Variants in PABPC4L observed in about 807,000 individuals in gnomAD.
PABPC4L encodes polyadenylate-binding protein 4-like.
For missense variants in PABPC4L, 452 were observed against 451.4 expected (o/e 1.00, Z -0.01); for synonymous variants, 169 against 164.1 (o/e 1.03, Z -0.23).
the PABPC4L span, among the ~76,000 whole-genome samples, chr4:133,975,957 T>A: frequency 6.6e-6 from 1 of 152,234 alleles, no homozygotes; most frequent in South Asian, 2.1e-4. Flanking sequence ...ATATATTTAT[T>A]TTTATTTTAT....
chr4:134,133,828 T>A, the PABPC4L span, among the ~76,000 whole-genome samples: 3 of 152,034 alleles, frequency 2.0e-5, no homozygotes, highest in South Asian at 2.1e-4. Flanking sequence ...TGAAATTATT[T>A]TTTTTTAAAT....
the PABPC4L span, among the ~76,000 whole-genome samples, chr4:133,960,507 A>G: frequency 6.6e-6 from 1 of 152,330 alleles, no homozygotes; most frequent in African/African-American, 2.4e-5. Flanking sequence ...AAAATGCCAT[A>G]GGAAGAAGGA....
At chr4:134,086,041 C>T in the PABPC4L span, among the ~76,000 whole-genome samples, 2 of 151,992 alleles carry the variant, frequency 1.3e-5, no homozygotes, top group Non-Finnish European at 2.9e-5. Flanking sequence ...TAGTGATTTT[C>T]CTGAATCTGT....
chr4:134,129,033 T>A, the PABPC4L span, among the ~76,000 whole-genome samples: 10 of 152,088 alleles, frequency 6.6e-5, no homozygotes, highest in African/African-American at 2.2e-4. Context: ...TATTCTTATA[T>A]CAGACAAAAC....
chr4:134,071,768 C>G, the PABPC4L span, among the ~76,000 whole-genome samples: 1 of 151,950 alleles, frequency 6.6e-6, no homozygotes, highest in Admixed American at 6.6e-5. Flanking sequence ...GTTTAGAGAA[C>G]CAGGAAGTGA....
the PABPC4L span, among the ~76,000 whole-genome samples, chr4:134,112,473 G>A: frequency 6.6e-6 from 1 of 151,734 alleles, no homozygotes; most frequent in Non-Finnish European, 1.5e-5. Context: ...CCAATTTGAA[G>A]TTATCTACTC....
At chr4:134,111,011 C>T in the PABPC4L span, among the ~76,000 whole-genome samples, 7 of 152,102 alleles carry the variant, frequency 4.6e-5, no homozygotes, top group South Asian at 1.5e-3. Context: ...TACAAAATAT[C>T]TGAGATTGGG....
chr4:134,081,882 A>G, the PABPC4L span, among the ~76,000 whole-genome samples: 1 of 152,128 alleles, frequency 6.6e-6, no homozygotes, highest in African/African-American at 2.4e-5. Context: ...TAATGCTTCT[A>G]TTCATCATCG....
At chr4:134,112,483 C>T in the PABPC4L span, among the ~76,000 whole-genome samples, 1 of 151,810 alleles carries the variant, frequency 6.6e-6, no homozygotes, top group African/African-American at 2.4e-5. Flanking sequence ...GTTATCTACT[C>T]AACTTATAAT....
the PABPC4L span, among the ~76,000 whole-genome samples, chr4:134,051,704 G>A: frequency 1.3e-5 from 2 of 152,034 alleles, no homozygotes; most frequent in Admixed American, 6.6e-5. Flanking sequence ...AAAACTCCAT[G>A]TCTGAAGTTT....
the PABPC4L span, among the ~76,000 whole-genome samples, chr4:134,012,517 C>G: frequency 6.6e-6 from 1 of 152,178 alleles, no homozygotes; most frequent in Non-Finnish European, 1.5e-5. Flanking sequence ...TATCTCCCTT[C>G]GCTGACTCTC....
the PABPC4L span, among the ~76,000 whole-genome samples, chr4:134,052,856 A>T: frequency 6.6e-6 from 1 of 152,140 alleles, no homozygotes; most frequent in Admixed American, 6.6e-5. Context: ...GTGTGTGTTT[A>T]AGTTTTAGTT....
chr4:133,989,228 T>G, the PABPC4L span, among the ~76,000 whole-genome samples: 1 of 152,234 alleles, frequency 6.6e-6, no homozygotes, highest in Non-Finnish European at 1.5e-5. Context: ...TCATTGCTTA[T>G]GCAAATTTCT....
At chr4:134,040,897 T>C in the PABPC4L span, among the ~76,000 whole-genome samples, 1 of 151,826 alleles carries the variant, frequency 6.6e-6, no homozygotes, top group Admixed American at 6.6e-5. Context: ...CAAAACCCCA[T>C]CAAGAAGTGA....
chr4:134,099,882 G>A, the PABPC4L span, among the ~76,000 whole-genome samples: 2 of 151,666 alleles, frequency 1.3e-5, no homozygotes, highest in Non-Finnish European at 3.0e-5. Flanking sequence ...CACCTATCCA[G>A]TTTCAATTTT....
Position 134,199,828 on chromosome 4 carries a change from C to T in PABPC4L, c.*79G>A. The T allele has an allele frequency of 6.8e-7, 1 of 1,477,238 alleles. No individual in the cohort carries two copies. Among genetic ancestry groups the T allele is most frequent in the Non-Finnish European group, 9.0e-7 (1 of 1,109,434 alleles). 91.5% of individuals were successfully genotyped at this position (1,477,238 alleles called of 1,614,324 possible). ...CCCATCATGTGGAATATGAAATTTACTGAGGTCAATTCAGGCAGAGATCAC... is the reference window on the plus strand; with the variant it reads ...CCCATCATGTGGAATATGAAATTTATTGAGGTCAATTCAGGCAGAGATCAC... On this transcript the variant is annotated 3_prime_UTR_variant, in exon 2 of 2. Transcript: ENST00000421491.
chr4:134,140,401 C>A, the PABPC4L span, among the ~76,000 whole-genome samples: 1 of 151,680 alleles, frequency 6.6e-6, no homozygotes, highest in Non-Finnish European at 1.5e-5. Flanking sequence ...AGGTGACATT[C>A]TAATATTTGT....
At chr4:133,996,467 T>C in the PABPC4L span, among the ~76,000 whole-genome samples, 1 of 152,158 alleles carries the variant, frequency 6.6e-6, no homozygotes, top group Non-Finnish European at 1.5e-5. Flanking sequence ...TCAGTACTTT[T>C]ATATACTGTT....
chr4:134,147,513 G>T, the PABPC4L span, among the ~76,000 whole-genome samples: 1 of 151,998 alleles, frequency 6.6e-6, no homozygotes, highest in Admixed American at 6.6e-5. Flanking sequence ...TAATCAAGGG[G>T]TTTATTATAT....
Sources: gnomAD v4.1 joint callset for allele counts (sites outside exome capture counted in the v4.1 genomes callset) on GRCh38, gnomAD v4.1.1 for gene constraint, MANE v1.5 for transcripts, NCBI Gene and HGNC (gene_info 2026-07-23, HGNC 2026-07-21) for gene names.